DCC: variants seen among roughly 807,000 people sequenced by gnomAD.
DCC encodes the protein DCC netrin 1 receptor.
DCC carries 58 observed loss-of-function variants against 172.5 expected under a neutral mutation model. The observed-to-expected ratio is 0.34, with a 90% CI of 0.27 to 0.42. DCC has a LOEUF of 0.42. Among genes scored for constraint, DCC ranks in the 10% least tolerant of loss-of-function variants. The pLI is 1.00. For synonymous variants in DCC, 709 were observed against 644.5 expected (o/e 1.10, Z -1.52); for missense variants, 1,740 against 1,791.0 (o/e 0.97, Z 0.51).
chr18:53,355,651 C>T (rs947067667), intron 15 of DCC, among the ~76,000 whole-genome samples: 19 of 152,112 alleles, frequency 1.2e-4, no homozygotes, highest in African/African-American at 4.6e-4. Context: ...AGTTGCTTAT[C>T]AGCTTAAGGA....
intron 7 of DCC, among the ~76,000 whole-genome samples, 187 bp downstream of exon 7, chr18:53,066,353 G>GTATGTATATATATATATATATA (rs1202896480): frequency 1.1e-5 from 1 of 94,604 alleles, no homozygotes; most frequent in Non-Finnish European, 2.2e-5. Flanking sequence ...GTACATGTGT[G>GTATGTATATATATATATATATA]TATATATATA....
intron 16 of DCC, among the ~76,000 whole-genome samples, chr18:53,389,123 A>C (rs185037775): frequency 3.3e-4 from 50 of 152,298 alleles, no homozygotes; most frequent in Non-Finnish European, 6.2e-4. Context: ...CTCAACATTC[A>C]TGGGCACTTA....
intron 13 of DCC, among the ~76,000 whole-genome samples, chr18:53,320,220 C>G (rs1333701374): frequency 2.6e-5 from 4 of 151,688 alleles, no homozygotes; most frequent in African/African-American, 7.3e-5. Context: ...CCACAGGCGC[C>G]CACCACCACT....
Position 52,765,199 on chromosome 18 carries a change from A to ATTTTTTTTTTTTTTTTTTTTT in DCC, c.412+12825_412+12826insTTTTTTTTTTTTTTTTTTTTT, listed in dbSNP as rs369735420. Among the ~76,000 whole-genome samples the ATTTTTTTTTTTTTTTTTTTTT allele has an allele frequency of 2.5e-5, 3 of 120,116 alleles. 1 individual carries two copies. The highest frequency in any genetic ancestry group is 3.3e-5 in the Non-Finnish European group (2 of 59,912). The allele number at this position is 120,116 out of a possible 152,430, so 78.8% of individuals were successfully genotyped here. A position where few individuals can be genotyped will look rare whatever the true frequency, so the allele number is the denominator to read the frequency against. On this transcript the variant is annotated intron_variant, in intron 2 of 28. Transcript: ENST00000442544. ...CAGGCATGTGCTAGCACTCCTGGCT[A>ATTTTTTTTTTTTTTTTTTTTT]ATTTTTTTTTTTTTTTTTTGTATTT...
At chr18:53,190,570 C>T (rs776109780) in intron 9 of DCC, among the ~76,000 whole-genome samples, 1 of 151,542 alleles carries the variant, frequency 6.6e-6, no homozygotes, top group Non-Finnish European at 1.5e-5. Context: ...CTTTTGATAA[C>T]AGTTCTTTAA....
intron 1 of DCC, among the ~76,000 whole-genome samples, chr18:52,737,797 C>T (rs1385024722): frequency 6.6e-6 from 1 of 152,092 alleles, no homozygotes; most frequent in Admixed American, 6.5e-5. Flanking sequence ...AAGAACTTCA[C>T]CTGGATGTAC....
chr18:52,900,317 A>G (rs1190043749), intron 2 of DCC, among the ~76,000 whole-genome samples: 4 of 152,228 alleles, frequency 2.6e-5, no homozygotes, highest in Admixed American at 6.5e-5. Context: ...ACAAAGTAAC[A>G]TATAAGTAGA....
chr18:52,459,891 A>ATATATG (rs1215296549), intron 1 of DCC, among the ~76,000 whole-genome samples: 1 of 151,132 alleles, frequency 6.6e-6, no homozygotes, highest in Non-Finnish European at 1.5e-5. Context: ...TCATATATAT[A>ATATATG]TATATATACA....
At chr18:53,327,168 C>A (rs138406156) in intron 14 of DCC, among the ~76,000 whole-genome samples, 28 of 152,210 alleles carry the variant, frequency 1.8e-4, no homozygotes, top group South Asian at 6.2e-4. Context: ...TCTTGGATTG[C>A]CCTTTTAATT....
chr18:52,955,190 G>C (rs118103014), intron 5 of DCC, among the ~76,000 whole-genome samples: 6,742 of 152,152 alleles, frequency 0.044, 215 homozygotes, highest in Non-Finnish European at 0.062. Flanking sequence ...ATTGTCTAAA[G>C]AATCCTTTGT....
At chr18:53,421,987 T>C (rs1910666612) in intron 21 of DCC, among the ~76,000 whole-genome samples, 1 of 152,154 alleles carries the variant, frequency 6.6e-6, no homozygotes, top group South Asian at 2.1e-4. Context: ...GCCCAAACAC[T>C]CACAGTATGT....
chr18:53,195,928 C>G (rs1334115505), intron 9 of DCC, among the ~76,000 whole-genome samples: 1 of 152,032 alleles, frequency 6.6e-6, no homozygotes, highest in African/African-American at 2.4e-5. Flanking sequence ...TTCCTAAGTT[C>G]CTTGAAAATT....
chr18:52,427,787 G>C (rs1987478030), intron 1 of DCC, among the ~76,000 whole-genome samples: 1 of 147,904 alleles, frequency 6.8e-6, no homozygotes, highest in South Asian at 2.1e-4. Flanking sequence ...ATCAGAGAAT[G>C]AGGTAAACTA....
At chr18:52,432,945 T>G (rs181103031) in intron 1 of DCC, among the ~76,000 whole-genome samples, 4 of 152,290 alleles carry the variant, frequency 2.6e-5, no homozygotes, top group Admixed American at 1.3e-4. Context: ...CCCTCTGCAC[T>G]CTAACATCTG....
At chr18:52,718,439 G>T (rs183570857) in intron 1 of DCC, among the ~76,000 whole-genome samples, 2 of 152,254 alleles carry the variant, frequency 1.3e-5, no homozygotes, top group Admixed American at 1.3e-4. Context: ...CCACAGCATT[G>T]CCACCCTTTG....
chr18:52,449,890 T>C lies in DCC; in HGVS notation c.91+109012T>C, dbSNP rs150328165. ...GCTCTTCCTTCATCTTCTGCCATGA[T>C]TGTGAGGCCTCCCCAGCAATGCATA... On this transcript the variant is annotated intron_variant, in intron 1 of 28. Coordinates refer to ENST00000442544, the MANE Select transcript of DCC (RefSeq NM_005215.4). 3.7e-3 allele frequency among the ~76,000 whole-genome samples: 560 copies of C among 152,306 alleles called. 4 individuals carry two copies. Among genetic ancestry groups the C allele is most frequent in the African/African-American group, 0.013 (535 of 41,542 alleles).
At chr18:53,291,421 T>C (rs1208292237) in intron 12 of DCC, among the ~76,000 whole-genome samples, 2 of 152,180 alleles carry the variant, frequency 1.3e-5, no homozygotes, top group Non-Finnish European at 2.9e-5. Flanking sequence ...ACCTTCTTTC[T>C]CTTTGACTCA....
intron 6 of DCC, among the ~76,000 whole-genome samples, chr18:53,065,022 G>A (rs1168270567): frequency 6.6e-6 from 1 of 152,122 alleles, no homozygotes; most frequent in Non-Finnish European, 1.5e-5. Flanking sequence ...GAAAATGTAA[G>A]GTATTGCCCG....
chr18:53,431,467 G>GTTT (rs138962186), intron 21 of DCC, among the ~76,000 whole-genome samples: 35 of 128,032 alleles, frequency 2.7e-4, no homozygotes, highest in African/African-American at 5.4e-4. Flanking sequence ...AGTACACTTT[G>GTTT]TTTTTTGTTG....
Sources: gnomAD v4.1 joint callset for allele counts (sites outside exome capture counted in the v4.1 genomes callset) on GRCh38, gnomAD v4.1.1 for gene constraint, MANE v1.5 for transcripts, NCBI Gene and HGNC (gene_info 2026-07-23, HGNC 2026-07-21) for gene names.